IL12RB1: variants seen among roughly 807,000 people sequenced by gnomAD.
IL12RB1 encodes interleukin-12 receptor subunit beta-1.
A neutral mutation model predicts 94.4 loss-of-function variants in IL12RB1; 64 were observed. The observed-to-expected ratio is 0.68, with a 90% CI of 0.55 to 0.83. The LOEUF (loss-of-function observed/expected upper bound fraction) is 0.83. Ranked by LOEUF, IL12RB1 falls within the 40% of genes least tolerant of loss-of-function variation. The pLI, the probability that IL12RB1 is intolerant of heterozygous loss-of-function variation, is 0.00. For synonymous variants in IL12RB1, 362 were observed against 355.5 expected (o/e 1.02, Z -0.21); for missense variants, 814 against 855.6 (o/e 0.95, Z 0.61).
Position 18,069,590 on chromosome 19 carries a change from G to A in IL12RB1, c.1145C>T (p.Thr382Ile), listed in dbSNP as rs767059104. 1 of 1,612,344 alleles carries A rather than the reference G, an allele frequency of 6.2e-7. No homozygotes were observed. Among genetic ancestry groups the A allele is most frequent in the Non-Finnish European group, 8.5e-7 (1 of 1,179,856 alleles). The change falls in exon 10 of 17, where the codon ACC becomes ATC. Residue 382 changes from threonine (T) to isoleucine (I), a missense_variant. Physicochemically the swap from Thr to Ile is moderately conservative, Grantham distance 89. Coordinates refer to ENST00000593993, the MANE Select transcript of IL12RB1 (RefSeq NM_005535.3). ...QPVGQDGGLA[T>I]CSLTAPQDPD... The stretch of plus-strand genomic sequence containing the variant: ...GTCTTGCGGCGCAGTCAGGCTGCAG[G>A]TGGCAAGGCCCCCGTCCTGGCCCAC...
rs550433282 is a variant in IL12RB1, at chr19:18,069,003, G to A, written c.1190-477C>T. 1.9e-4 allele frequency among the ~76,000 whole-genome samples: 28 copies of A among 149,630 alleles called. 1 individual carries two copies. The highest frequency in any genetic ancestry group is 6.5e-4 in the African/African-American group (27 of 41,454). On this transcript the variant is annotated intron_variant, in intron 10 of 16. Transcript: ENST00000593993. ...GACCTCTGTTGATCCACCTGCCTCA[G>A]CCTCCCAAAGTGCTGGGATTACAGG...
At chr19:18,086,277 G>A (rs991775807) in intron 1 of IL12RB1, among the ~76,000 whole-genome samples, 3 of 150,720 alleles carry the variant, frequency 2.0e-5, no homozygotes, top group Non-Finnish European at 4.4e-5. Flanking sequence ...AATAAGTAAA[G>A]TATACGGAAG....
At chr19:18,075,898 G>A (rs755107353) in intron 6 of IL12RB1, 30 bp from the exon 7 acceptor site, 75 of 1,608,722 alleles carry the variant, frequency 4.7e-5, no homozygotes, top group African/African-American at 1.2e-4. Flanking sequence ...ACATCAGGCC[G>A]TAAGAATTGT....
At chr19:18,072,468 C>A in intron 8 of IL12RB1, 119 bp from the exon 9 acceptor site, 1 of 725,318 alleles carries the variant, frequency 1.4e-6, no homozygotes, top group East Asian at 2.6e-5. Flanking sequence ...CAATAACATG[C>A]ATCAAAAATT....
At chr19:18,080,764 A>T in intron 4 of IL12RB1, 68 bp downstream of exon 4, 1 of 1,043,684 alleles carries the variant, frequency 9.6e-7, no homozygotes, top group Non-Finnish European at 1.5e-6. Flanking sequence ...AATCCTCTCT[A>T]GCTCCAGCCT....
chr19:18,086,700 A>G lies in IL12RB1; in HGVS notation c.64+60T>C. On this transcript the variant is annotated intron_variant, in intron 1 of 16. Transcript: ENST00000593993. The stretch of plus-strand genomic sequence containing the variant: ...CCACACAGCAGGCCCACAGCTCTCC[A>G]CACATACACGTGCCTCCACCCAGCA... 3.3e-6 allele frequency: 5 copies of G among 1,532,790 alleles called. No individual in the cohort carries two copies. In the South Asian group the frequency reaches 5.9e-5, roughly 18 times the overall value. The allele number at this position is 1,532,790 out of a possible 1,614,324, so 94.9% of individuals were successfully genotyped here.
At chr19:18,096,706 GGCACCTGTAGTCCCA>G in intron 1 of IL12RB1, among the ~76,000 whole-genome samples, 1 of 151,650 alleles carries the variant, frequency 6.6e-6, no homozygotes, top group Non-Finnish European at 1.5e-5. Flanking sequence ...TGTGGTGGTG[GGCACCTGTAGTCCCA>G]GCTACTAGGG....
At chr19:18,083,295 T>A in intron 2 of IL12RB1, 137 bp downstream of exon 2, 5 of 826,912 alleles carry the variant, frequency 6.0e-6, no homozygotes, top group Non-Finnish European at 1.1e-5. Context: ...CAGCAGGTGG[T>A]GGGGTGGGGA....
chr19:18,071,791 C>T (rs945553018), intron 9 of IL12RB1, among the ~76,000 whole-genome samples: 1 of 152,078 alleles, frequency 6.6e-6, no homozygotes, highest in East Asian at 1.9e-4. Flanking sequence ...CCTGCCTCAG[C>T]CTCCCAAGTA....
chr19:18,075,958 A>G, intron 6 of IL12RB1, 90 bp from the exon 7 acceptor site: 5 of 1,304,026 alleles, frequency 3.8e-6, no homozygotes, highest in Admixed American at 1.7e-5. Flanking sequence ...TTGAGCTCCA[A>G]CTGTGTACAG....
intron 3 of IL12RB1, among the ~76,000 whole-genome samples, chr19:18,081,847 AATGGATGGATGG>A (rs3048839): frequency 2.5e-4 from 37 of 148,520 alleles, no homozygotes; most frequent in East Asian, 2.4e-3. Flanking sequence ...AAAAAGAAAA[AATGGATGGATGG>A]ATGGATGGAT....
chr19:18,081,241 A>G (rs1388926790), intron 3 of IL12RB1, among the ~76,000 whole-genome samples: 1 of 151,892 alleles, frequency 6.6e-6, no homozygotes, highest in Non-Finnish European at 1.5e-5. Flanking sequence ...GATTACAGGC[A>G]CATGCCACCA....
rs375947 is a variant in IL12RB1, at chr19:18,069,641, A to G, written c.1094T>C (p.Met365Thr). The G allele has an allele frequency of 0.31, 498,097 of 1,612,186 alleles. 78,539 individuals are homozygous for G. Among genetic ancestry groups the G allele is most frequent in the East Asian group, 0.39 (17,309 of 44,858 alleles). ...TMYWPARAQS[M>T]TYCIEWQPVG... is the part of the protein sequence containing the mutation. ...AGGCTGCCATTCAATGCAATACGTCATGCTCTGAGCCCGGGCTGGCCAATA... is the reference window on the plus strand; with the variant it reads ...AGGCTGCCATTCAATGCAATACGTCGTGCTCTGAGCCCGGGCTGGCCAATA... Residue 365 changes from methionine (M) to threonine (T), a missense_variant, in exon 10 of 17, where the codon ATG becomes ACG. Met to Thr is a moderately conservative substitution (Grantham distance 81, BLOSUM62 -1). Coordinates refer to ENST00000593993, the MANE Select transcript of IL12RB1 (RefSeq NM_005535.3).
intron 12 of IL12RB1, among the ~76,000 whole-genome samples, chr19:18,066,030 C>T (rs1387125547): frequency 6.9e-6 from 1 of 145,710 alleles, no homozygotes; most frequent in Non-Finnish European, 1.5e-5. Flanking sequence ...AGAGTGAGTC[C>T]CTGTCTATAA....
At chr19:18,069,193 C>T (rs1568494577) in intron 10 of IL12RB1, among the ~76,000 whole-genome samples, 2 of 152,168 alleles carry the variant, frequency 1.3e-5, no homozygotes. Context: ...AGCCTCACGG[C>T]CCCCCTTTCC....
intron 2 of IL12RB1, chr19:18,083,132 G>T (rs892582579): frequency 3.3e-5 from 18 of 550,066 alleles, no homozygotes; most frequent in Non-Finnish European, 5.6e-5. Flanking sequence ...AGGTTGGGGG[G>T]GGGGCTTCAA....
intron 1 of IL12RB1, among the ~76,000 whole-genome samples, chr19:18,097,434 A>G (rs1444431897): frequency 6.6e-6 from 1 of 151,990 alleles, no homozygotes; most frequent in Non-Finnish European, 1.5e-5. Context: ...CCTGACCTCA[A>G]GTGATCTGCC....
chr19:18,082,615 C>T (rs180810811), intron 2 of IL12RB1, among the ~76,000 whole-genome samples: 2 of 152,306 alleles, frequency 1.3e-5, no homozygotes, highest in African/African-American at 2.4e-5. Flanking sequence ...CTATCTCTTC[C>T]ACTAGGCTGT....
At chr19:18,067,982 G>T (rs2146192589) in intron 11 of IL12RB1, among the ~76,000 whole-genome samples, 1 of 151,324 alleles carries the variant, frequency 6.6e-6, no homozygotes. Context: ...GGGATTACAG[G>T]GGTGAGCCAT....
Sources: allele counts gnomAD v4.1 joint callset (sites outside exome capture counted in the v4.1 genomes callset), GRCh38; gene constraint gnomAD v4.1.1; transcripts MANE v1.5; gene names NCBI Gene and HGNC (gene_info 2026-07-23, HGNC 2026-07-21).